CAMTA1: variants seen among roughly 807,000 people sequenced by gnomAD.
The protein encoded by CAMTA1 is calmodulin-binding transcription activator 1.
In CAMTA1, 27 loss-of-function variants were observed where a neutral mutation model predicts 170.9. The observed-to-expected ratio is 0.16, with a 90% CI of 0.12 to 0.22. CAMTA1 has a LOEUF of 0.22. Ranked by LOEUF, CAMTA1 falls within the 10% of genes least tolerant of loss-of-function variation. The pLI, the probability that CAMTA1 is intolerant of heterozygous loss-of-function variation, is 1.00. For missense variants in CAMTA1, 1,619 were observed against 2,217.2 expected, an observed-to-expected ratio of 0.73 and a Z score of 5.42; for synonymous variants, 833 against 891.5, an observed-to-expected ratio of 0.93 and a Z score of 1.17.
At chr1:7,497,188 TC>T (rs923031194) in intron 6 of CAMTA1, among the ~76,000 whole-genome samples, 86 of 152,014 alleles carry the variant, frequency 5.7e-4, no homozygotes, top group Non-Finnish European at 1.1e-3. Context: ...GTCTCACACC[TC>T]CCCTGGAGAT....
intron 3 of CAMTA1, among the ~76,000 whole-genome samples, chr1:6,867,688 A>T (rs77289597): frequency 0.017 from 2,596 of 152,330 alleles, 35 homozygotes; most frequent in South Asian, 0.033. Flanking sequence ...ACTGTAGTGT[A>T]TACATAGCTC....
At chr1:7,135,813 AG>A (rs1225151907) in intron 4 of CAMTA1, among the ~76,000 whole-genome samples, 1 of 152,196 alleles carries the variant, frequency 6.6e-6, no homozygotes, top group African/African-American at 2.4e-5. Flanking sequence ...ATCCACACAG[AG>A]ATCCTTTCAA....
chr1:7,667,737 C>T (rs1444822388), intron 9 of CAMTA1, among the ~76,000 whole-genome samples: 2 of 152,280 alleles, frequency 1.3e-5, no homozygotes, highest in South Asian at 2.1e-4. Flanking sequence ...GGAACAGGAA[C>T]GCAATGGCAG....
rs972222360 is a variant in CAMTA1, at chr1:7,641,719, G to A, written c.664+1166G>A. Reference sequence around the variant, plus strand: ...GGACCACAAGACTGAGCTTCCTCACGTGTCGTCCTTTGAGCCAAGTACCCC... The same window carrying A: ...GGACCACAAGACTGAGCTTCCTCACATGTCGTCCTTTGAGCCAAGTACCCC... On this transcript the variant is annotated intron_variant, in intron 7 of 22. Coordinates refer to ENST00000303635, the MANE Select transcript of CAMTA1 (RefSeq NM_015215.4). The surrounding 1 kb of genome is among the most constrained non-coding windows in gnomAD (Gnocchi z 4.5). Among the ~76,000 whole-genome samples the A allele has an allele frequency of 8.5e-5, 13 of 152,218 alleles. No homozygotes were observed. The highest frequency in any genetic ancestry group is 2.6e-4 in the African/African-American group (11 of 41,538).
intron 6 of CAMTA1, among the ~76,000 whole-genome samples, chr1:7,581,859 T>C (rs1202153583): frequency 1.3e-5 from 2 of 152,198 alleles, no homozygotes; most frequent in Admixed American, 6.5e-5. Flanking sequence ...CTTTAAGCCA[T>C]GTCTCAGTCT....
At chr1:7,051,616 A>C (rs780589413) in intron 3 of CAMTA1, among the ~76,000 whole-genome samples, 4 of 151,234 alleles carry the variant, frequency 2.6e-5, no homozygotes, top group Non-Finnish European at 5.9e-5. Context: ...TTGGGGGCTC[A>C]GTTGCTGTTG....
intron 3 of CAMTA1, among the ~76,000 whole-genome samples, chr1:6,844,302 A>G (rs1014582314): frequency 6.6e-6 from 1 of 152,156 alleles, no homozygotes; most frequent in Non-Finnish European, 1.5e-5. Context: ...CAGGTGTGAT[A>G]CACATGCACA....
rs201479945 is a variant in CAMTA1, at chr1:6,867,260, GA to G, written c.234+42059del. Among the ~76,000 whole-genome samples, 352 of 150,102 alleles carry G rather than the reference GA, an allele frequency of 2.3e-3. 2 individuals are homozygous for G. The highest frequency in any genetic ancestry group is 7.8e-3 in the African/African-American group (320 of 40,964). On this transcript the variant is annotated intron_variant, in intron 3 of 22. Coordinates refer to ENST00000303635, the MANE Select transcript of CAMTA1 (RefSeq NM_015215.4). The stretch of plus-strand genomic sequence containing the variant: ...TTGTGAAAGCTTTGATGTTTTTAGG[GA>G]AAAAAAAAGTTACATTATTGAGGAT...
At chr1:7,440,133 G>A (rs139681867) in intron 5 of CAMTA1, among the ~76,000 whole-genome samples, 28 of 152,394 alleles carry the variant, frequency 1.8e-4, no homozygotes, top group African/African-American at 6.3e-4. Flanking sequence ...TGGCATAGGC[G>A]AGAGGGCAGG....
chr1:7,664,890 C>T lies in CAMTA1; in HGVS notation c.2343C>T (p.Ile781=). The T allele has an allele frequency of 6.2e-7, 1 of 1,613,322 alleles. No individual in the cohort carries two copies. The highest frequency in any genetic ancestry group is 8.5e-7 in the Non-Finnish European group (1 of 1,180,020). ...TCTCCGACCTGATCAACGACTTCAT[C>T]TCCGTGGAGGGGGGCAGCAGCACCA... ...NQFSDLINDF[I]SVEGGSSTIY... is the part of the protein sequence containing the mutation. The change falls in exon 9 of 23, where the codon ATC becomes ATT. Residue 781 remains isoleucine, a synonymous_variant. Coordinates refer to ENST00000303635, the MANE Select transcript of CAMTA1 (RefSeq NM_015215.4).
At chr1:7,134,270 T>G (rs972839153) in intron 4 of CAMTA1, among the ~76,000 whole-genome samples, 5 of 152,136 alleles carry the variant, frequency 3.3e-5, no homozygotes, top group Non-Finnish European at 4.4e-5. Context: ...ATTGTGTATA[T>G]GTACCATATT....
intron 4 of CAMTA1, among the ~76,000 whole-genome samples, chr1:7,229,349 C>T (rs569265239): frequency 6.9e-6 from 1 of 144,242 alleles, no homozygotes; most frequent in South Asian, 2.3e-4. Flanking sequence ...GGCTGGACCA[C>T]GAGGCAGCTG....
In CAMTA1 at chr1:7,673,179, C is replaced by T. The variant is rs1013699432; in HGVS notation, c.2779+2142C>T. 2.0e-5 allele frequency among the ~76,000 whole-genome samples: 3 copies of T among 152,232 alleles called. No individual in the cohort carries two copies. The highest frequency in any genetic ancestry group is 7.2e-5 in the African/African-American group (3 of 41,468). ...CAGGGCAGGGCTGCTTAGGTCTGCT[C>T]TCAGTTATCTGACCCCTCTACAGAA... On this transcript the variant is annotated intron_variant, in intron 10 of 22. Coordinates refer to ENST00000303635, the MANE Select transcript of CAMTA1 (RefSeq NM_015215.4). The surrounding 1 kb of genome is among the most constrained non-coding windows in gnomAD (Gnocchi z 4.6).
At chr1:7,340,503 T>C (rs1462218157) in intron 5 of CAMTA1, among the ~76,000 whole-genome samples, 1 of 151,654 alleles carries the variant, frequency 6.6e-6, no homozygotes, top group Non-Finnish European at 1.5e-5. Context: ...CTTTCCCAAA[T>C]GGTTGCTTTC....
chr1:7,392,180 T>G (rs2088785636), intron 5 of CAMTA1, among the ~76,000 whole-genome samples: 1 of 151,858 alleles, frequency 6.6e-6, no homozygotes. Context: ...TTCCAACACT[T>G]TGGGAGGCCA....
intron 5 of CAMTA1, among the ~76,000 whole-genome samples, chr1:7,440,911 A>G (rs1028384204): frequency 3.3e-5 from 5 of 152,214 alleles, no homozygotes; most frequent in Admixed American, 2.0e-4. Context: ...GTGCCCATTC[A>G]GTAACTGGTA....
At chr1:7,131,142 C>CG (rs1364844785) in intron 4 of CAMTA1, among the ~76,000 whole-genome samples, 2 of 151,922 alleles carry the variant, frequency 1.3e-5, no homozygotes, top group African/African-American at 4.8e-5. Flanking sequence ...TTAGTAGAGA[C>CG]GGGGTTTCAC....
chr1:7,264,487 G>A (rs11583129), intron 5 of CAMTA1, among the ~76,000 whole-genome samples: 51,829 of 151,994 alleles, frequency 0.34, 9,046 homozygotes, highest in South Asian at 0.44. Flanking sequence ...CTGCTTTCAT[G>A]TGTGCAAAAG....
At chr1:6,903,643 T>C (rs1223725727) in intron 3 of CAMTA1, among the ~76,000 whole-genome samples, 3 of 152,202 alleles carry the variant, frequency 2.0e-5, no homozygotes, top group Non-Finnish European at 4.4e-5. Flanking sequence ...GAGTAACCCA[T>C]GTTTCTGACC....
Sources: gnomAD v4.1 joint callset for allele counts (sites outside exome capture counted in the v4.1 genomes callset) on GRCh38, gnomAD v4.1.1 for gene constraint, Gnocchi (gnomAD v3.1) non-coding constraint, MANE v1.5 for transcripts, NCBI Gene and HGNC (gene_info 2026-07-23, HGNC 2026-07-21) for gene names.